The following WWC2 variants were observed in gnomAD, a reference collection of about 807,000 sequenced individuals.
The protein encoded by WWC2 is protein WWC2.
In WWC2, 101 loss-of-function variants were observed where a neutral mutation model predicts 138.5. That is an observed-to-expected ratio of 0.73 (90% confidence interval 0.62 to 0.86). WWC2 has a LOEUF of 0.86. Ranked by LOEUF, WWC2 falls within the 40% of genes least tolerant of loss-of-function variation. WWC2 has a pLI of 0.00. For missense variants in WWC2, 1,420 were observed against 1,419.4 expected (o/e 1.00, Z -0.01); for synonymous variants, 558 against 538.4 (o/e 1.04, Z -0.50).
chr4:183,319,830 C>T lies in WWC2; in HGVS notation c.*4101C>T. ...AGAGACGGGAACCAGGGCTGTGACT[C>T]CCGAGGCCCAGGACAGAATTCCTCC... On this transcript the variant is annotated 3_prime_UTR_variant, in exon 23 of 23. Transcript: ENST00000403733. 1.9e-6 allele frequency: 3 copies of T among 1,613,986 alleles called. No homozygotes were observed. The highest frequency in any genetic ancestry group is 1.7e-6 in the Non-Finnish European group (2 of 1,179,890).
chr4:183,302,034 C>T (rs2111102268), intron 21 of WWC2, among the ~76,000 whole-genome samples: 1 of 152,242 alleles, frequency 6.6e-6, no homozygotes, highest in Non-Finnish European at 1.5e-5. Flanking sequence ...TATTTTAATG[C>T]ATTCATTTGT....
At chr4:183,185,945 A>ATTTTTT (rs546555995) in intron 1 of WWC2, among the ~76,000 whole-genome samples, 1 of 131,246 alleles carries the variant, frequency 7.6e-6, no homozygotes. Context: ...TTTAACATAG[A>ATTTTTT]TTTTTTTTTT....
intron 1 of WWC2, among the ~76,000 whole-genome samples, chr4:183,133,050 T>TCTTCCCCTTTTC (rs1732981075): frequency 1.5e-5 from 2 of 134,336 alleles, no homozygotes; most frequent in African/African-American, 6.5e-5. Flanking sequence ...TTCCCTTCCC[T>TCTTCCCCTTTTC]TTTTTCCTTT....
At chr4:183,195,201 A>G (rs1459417470) in intron 2 of WWC2, among the ~76,000 whole-genome samples, 1 of 152,228 alleles carries the variant, frequency 6.6e-6, no homozygotes, top group African/African-American at 2.4e-5. Context: ...CAAATAAACA[A>G]GTCAGTGAAA....
intron 1 of WWC2, among the ~76,000 whole-genome samples, chr4:183,108,998 A>G (rs1732137015): frequency 6.6e-6 from 1 of 152,226 alleles, no homozygotes; most frequent in Non-Finnish European, 1.5e-5. Flanking sequence ...TTTCCACACT[A>G]ATTTTGTGGT....
At chr4:183,276,434 C>G (rs1737857660) in intron 16 of WWC2, among the ~76,000 whole-genome samples, 3 of 151,886 alleles carry the variant, frequency 2.0e-5, no homozygotes, top group African/African-American at 7.3e-5. Flanking sequence ...GTTTTCCCCT[C>G]TACTAGATCT....
At chr4:183,205,723 C>CTG (rs1735429312) in intron 2 of WWC2, among the ~76,000 whole-genome samples, 1 of 152,118 alleles carries the variant, frequency 6.6e-6, no homozygotes, top group Non-Finnish European at 1.5e-5. Flanking sequence ...TACCCTATGT[C>CTG]TTATTTAGCT....
chr4:183,247,519 AC>A (rs1736815774), intron 6 of WWC2, among the ~76,000 whole-genome samples: 1 of 139,922 alleles, frequency 7.1e-6, no homozygotes, highest in African/African-American at 2.8e-5. Flanking sequence ...TATACACTAT[AC>A]TATATATATA....
At chr4:183,133,956 AACT>A (rs1420593250) in intron 1 of WWC2, among the ~76,000 whole-genome samples, 2 of 152,204 alleles carry the variant, frequency 1.3e-5, no homozygotes, top group Non-Finnish European at 2.9e-5. Context: ...GTGGCATTTT[AACT>A]ACTGATAGTT....
intron 1 of WWC2, among the ~76,000 whole-genome samples, chr4:183,155,222 G>GAGAGAGTT (rs1554067869): frequency 1.7e-3 from 4 of 2,372 alleles, no homozygotes; most frequent in African/African-American, 1.9e-3. Context: ...GAGAGAGAGA[G>GAGAGAGTT]AGTTAGTTGA....
chr4:183,313,792 G>A (rs140659775), intron 22 of WWC2, among the ~76,000 whole-genome samples: 114 of 150,814 alleles, frequency 7.6e-4, no homozygotes, highest in African/African-American at 2.6e-3. Flanking sequence ...CAGGAGCCTG[G>A]GGCAAGAGGG....
intron 6 of WWC2, among the ~76,000 whole-genome samples, chr4:183,247,605 C>G (rs1283748162): frequency 2.5e-5 from 3 of 120,444 alleles, no homozygotes; most frequent in African/African-American, 1.1e-4. Flanking sequence ...GCTATATATG[C>G]TATATATACT....
chr4:183,190,591 A>G (rs998683523), intron 1 of WWC2, among the ~76,000 whole-genome samples: 4 of 152,096 alleles, frequency 2.6e-5, no homozygotes, highest in Admixed American at 2.6e-4. Context: ...GAAAGTATAT[A>G]TATTTATCCA....
At chr4:183,107,563 G>A (rs1732068042) in intron 1 of WWC2, among the ~76,000 whole-genome samples, 1 of 152,126 alleles carries the variant, frequency 6.6e-6, no homozygotes, top group Non-Finnish European at 1.5e-5. Flanking sequence ...TTGGGCCCAA[G>A]CCTCCCCTTA....
chr4:183,123,047 A>G (rs1347491348), intron 1 of WWC2, among the ~76,000 whole-genome samples: 1 of 152,244 alleles, frequency 6.6e-6, no homozygotes, highest in African/African-American at 2.4e-5. Context: ...GTAGGGAAAT[A>G]GGAACTTTCA....
At chr4:183,204,239 G>A (rs1044606485) in intron 2 of WWC2, among the ~76,000 whole-genome samples, 1 of 152,152 alleles carries the variant, frequency 6.6e-6, no homozygotes, top group Non-Finnish European at 1.5e-5. Context: ...AGGTGAGTTA[G>A]CGAAGTGCTC....
At chr4:183,228,706 A>C (rs1736148224) in intron 4 of WWC2, among the ~76,000 whole-genome samples, 1 of 152,086 alleles carries the variant, frequency 6.6e-6, no homozygotes, top group African/African-American at 2.4e-5. Flanking sequence ...GGGCAGCTGG[A>C]ACTCTTTACT....
In WWC2 at chr4:183,261,027, A is replaced by C; in HGVS notation, c.1404A>C (p.Glu468Asp). The C allele has an allele frequency of 1.2e-6, 2 of 1,613,868 alleles. No homozygotes were observed. The highest frequency in any genetic ancestry group is 1.7e-6 in the Non-Finnish European group (2 of 1,179,862). The change falls in exon 11 of 23, where the codon GAA becomes GAC. Residue 468 changes from glutamate to aspartate, a missense_variant. Glu to Asp is a conservative substitution (Grantham distance 45). Transcript: ENST00000403733. The part of the protein sequence containing the change: ...RGSLNSLSST[E>D]LYYSSQSDQI... ...CACTCAACTCCCTCAGTTCCACCGA[A>C]CTCTATTACAGCAGTCAAAGTGATC...
At chr4:183,312,661 G>A (rs886589420) in intron 22 of WWC2, among the ~76,000 whole-genome samples, 193 bp downstream of exon 22, 2 of 152,214 alleles carry the variant, frequency 1.3e-5, no homozygotes, top group Non-Finnish European at 2.9e-5. Context: ...GCTGATGAAA[G>A]CCTAACTCCC....
Sources: gnomAD v4.1 joint callset for allele counts (sites outside exome capture counted in the v4.1 genomes callset) on GRCh38, gnomAD v4.1.1 for gene constraint, MANE v1.5 for transcripts, NCBI Gene and HGNC (gene_info 2026-07-23, HGNC 2026-07-21) for gene names.